The following TET3 variants were observed in gnomAD, a reference collection of about 807,000 sequenced individuals.
TET3 encodes tet methylcytosine dioxygenase 3, also known as methylcytosine dioxygenase TET3.
A neutral mutation model predicts 141.4 loss-of-function variants in TET3; 19 were observed. The ratio of observed to expected loss-of-function variants is 0.13; its 90% confidence interval spans 0.09 to 0.20. The LOEUF (loss-of-function observed/expected upper bound fraction) is 0.20. Among genes scored for constraint, TET3 ranks in the 10% least tolerant of loss-of-function variants. The pLI, the probability that TET3 is intolerant of heterozygous loss-of-function variation, is 1.00. For synonymous variants in TET3, 1,043 were observed against 980.9 expected, an observed-to-expected ratio of 1.06 and a Z score of -1.18; for missense variants, 1,874 against 2,356.9, an observed-to-expected ratio of 0.80 and a Z score of 4.24.
Position 74,047,760 on chromosome 2 carries a change from C to T in TET3, c.1843C>T (p.Arg615Trp), listed in dbSNP as rs772786659. ...CATTCAGATCAAGAAGTCCAGGCCC[C>T]GGGAAGCACAGCCCCTCTTCCCACC... is the stretch of plus-strand genomic sequence containing the variant. ...KPIQIKKSRPREAQPLFPPVR... is the reference protein window; with the variant it reads ...KPIQIKKSRPWEAQPLFPPVR... Residue 615 changes from arginine (R) to tryptophan (W), a missense_variant, in exon 4 of 12, where the codon CGG (arginine) becomes TGG (tryptophan). Coordinates refer to ENST00000409262, the MANE Select transcript of TET3 (RefSeq NM_001287491.2). The T allele has an allele frequency of 6.8e-6, 11 of 1,613,728 alleles. No homozygotes were observed. The highest frequency in any genetic ancestry group is 3.3e-5 in the South Asian group (3 of 91,018).
chr2:74,088,632 C>G (rs542759807), intron 7 of TET3, among the ~76,000 whole-genome samples: 1 of 151,970 alleles, frequency 6.6e-6, no homozygotes, highest in African/African-American at 2.4e-5. Context: ...CAGTGAGACT[C>G]TGTCTCAAAA....
chr2:73,985,586 C>T (rs1034780593), intron 1 of TET3, among the ~76,000 whole-genome samples: 4 of 150,604 alleles, frequency 2.7e-5, no homozygotes, highest in African/African-American at 9.7e-5. Context: ...CCGGGGGCGC[C>T]GGGGCAGTCC....
At chr2:74,062,185 G>C (rs1238075147) in intron 4 of TET3, among the ~76,000 whole-genome samples, 3 of 152,216 alleles carry the variant, frequency 2.0e-5, no homozygotes, top group Non-Finnish European at 4.4e-5. Context: ...TCGGGAGGCC[G>C]AGGCTGGCGG....
rs185571189 is a variant in TET3, at chr2:74,066,039, G to T, written c.2495-7510G>T. Among the ~76,000 whole-genome samples the T allele has an allele frequency of 1.5e-3, 229 of 152,290 alleles. 1 individual carries two copies. The highest frequency in any genetic ancestry group is 2.2e-3 in the Non-Finnish European group (148 of 68,034). On this transcript the variant is annotated intron_variant, in intron 4 of 11. Coordinates refer to ENST00000409262, the MANE Select transcript of TET3 (RefSeq NM_001287491.2). Reference sequence around the variant, plus strand: ...CCCAAAGTGCTGGGATTTCAGGTGTGAGCCACCGCGCCTGGCCCACCTGGT... The same window carrying T: ...CCCAAAGTGCTGGGATTTCAGGTGTTAGCCACCGCGCCTGGCCCACCTGGT...
chr2:74,077,434 A>T (rs979563469), intron 5 of TET3, among the ~76,000 whole-genome samples: 2 of 152,224 alleles, frequency 1.3e-5, no homozygotes, highest in Non-Finnish European at 2.9e-5. Context: ...ATTGGCTTGT[A>T]TGATTAGTTA....
At chr2:74,080,374 T>C (rs1245780832) in intron 5 of TET3, 124 bp from the exon 6 acceptor site, 26 of 791,208 alleles carry the variant, frequency 3.3e-5, no homozygotes, top group Non-Finnish European at 5.0e-5. Flanking sequence ...TTCTCTTTCT[T>C]CTCTGTTGCC....
At chr2:74,062,881 CTTTT>C (rs10649388) in intron 4 of TET3, among the ~76,000 whole-genome samples, 2 of 121,436 alleles carry the variant, frequency 1.6e-5, no homozygotes, top group Admixed American at 8.5e-5. Context: ...TCAGGTGAAA[CTTTT>C]TTTTTTTTTT....
At position 74,008,203 on chromosome 2, in the gene TET3, G is replaced by A. The variant is rs187508996; in HGVS notation, c.360+5037G>A. Among the ~76,000 whole-genome samples, 62 of 152,242 alleles carry A rather than the reference G, an allele frequency of 4.1e-4. 1 individual carries two copies. Among genetic ancestry groups the A allele is most frequent in the African/African-American group, 1.3e-3 (56 of 41,534 alleles). The stretch of plus-strand genomic sequence containing the variant: ...CCTCCATCTTGGGGACAAAGCCTCC[G>A]CTTGAAAGAGTAGAGATCTTTTTGT... On this transcript the variant is annotated intron_variant, in intron 3 of 11. Coordinates refer to ENST00000409262, the MANE Select transcript of TET3 (RefSeq NM_001287491.2).
intron 2 of TET3, among the ~76,000 whole-genome samples, chr2:73,988,474 C>T (rs1282865050): frequency 6.6e-6 from 1 of 152,158 alleles, no homozygotes; most frequent in Non-Finnish European, 1.5e-5. Context: ...ACAGAACATA[C>T]CTGAGTGAAA....
chr2:74,092,633 G>A (rs1388995243), intron 8 of TET3, among the ~76,000 whole-genome samples: 11 of 152,212 alleles, frequency 7.2e-5, no homozygotes, highest in Admixed American at 7.2e-4. Context: ...GCTGAACTGG[G>A]CGGGAGCCTG....
chr2:74,003,194 G>A (rs1684956786), intron 3 of TET3, 28 bp downstream of exon 3: 1 of 1,515,648 alleles, frequency 6.6e-7, no homozygotes, highest in African/African-American at 1.6e-5. Context: ...GTGCGTGTGT[G>A]TGCGTGTGTG....
At chr2:74,029,219 G>T in intron 3 of TET3, among the ~76,000 whole-genome samples, 1 of 152,320 alleles carries the variant, frequency 6.6e-6, no homozygotes, top group Non-Finnish European at 1.5e-5. Flanking sequence ...CCTACCTGTT[G>T]TTATCAAGGT....
At position 74,093,572 on chromosome 2, in the gene TET3, A is replaced by G. The variant is rs1390192658; in HGVS notation, c.3173A>G (p.Lys1058Arg). 1 of 1,613,540 alleles carries G rather than the reference A, an allele frequency of 6.2e-7. No homozygotes were observed. Among genetic ancestry groups the G allele is most frequent in the East Asian group, 2.2e-5 (1 of 44,872 alleles). Reference sequence around the variant, plus strand: ...GCGATTGACTGCCGTCTGGGGCTGAAGGAAGGACGGCCCTTCGCGGGGGTC... The same window carrying G: ...GCGATTGACTGCCGTCTGGGGCTGAGGGAAGGACGGCCCTTCGCGGGGGTC... ...EIAIDCRLGL[K>R]EGRPFAGVTA... Residue 1058 changes from lysine to arginine, a missense_variant, in exon 10 of 12, where the codon AAG (lysine) becomes AGG (arginine). Physicochemically the swap from Lys to Arg is conservative, Grantham distance 26 (BLOSUM62 2). Transcript: ENST00000409262. The surrounding 1 kb of genome is among the most constrained non-coding windows in gnomAD (Gnocchi z 4.2).
At chr2:74,084,447 GTCTC>G (rs1358225529) in intron 6 of TET3, among the ~76,000 whole-genome samples, 7 of 151,532 alleles carry the variant, frequency 4.6e-5, no homozygotes, top group African/African-American at 1.2e-4. Context: ...GTAAGACCAT[GTCTC>G]TCTCTTTTTT....
At chr2:74,092,432 G>T (rs759501057) in intron 8 of TET3, among the ~76,000 whole-genome samples, 10 of 152,010 alleles carry the variant, frequency 6.6e-5, no homozygotes, top group Admixed American at 1.3e-4. Flanking sequence ...GACAGGCTCT[G>T]GGCTGGGCTG....
intron 11 of TET3, 31 bp downstream of exon 11, chr2:74,099,643 C>T (rs200750065): frequency 4.8e-5 from 73 of 1,512,484 alleles, no homozygotes; most frequent in Admixed American, 2.3e-4. Context: ...CGCTTGGAGT[C>T]ACAATGGCAC....
intron 4 of TET3, among the ~76,000 whole-genome samples, chr2:74,067,463 G>A (rs1285609202): frequency 6.6e-6 from 1 of 152,238 alleles, no homozygotes; most frequent in Admixed American, 6.5e-5. Context: ...ATAGAGGCAT[G>A]AGGATTAGAG....
intron 5 of TET3, among the ~76,000 whole-genome samples, chr2:74,078,012 T>C (rs1275256982): frequency 6.6e-6 from 1 of 152,244 alleles, no homozygotes; most frequent in Non-Finnish European, 1.5e-5. Context: ...CTGAGTCCTG[T>C]CTCCAAATGC....
At position 73,988,595 on chromosome 2, in the gene TET3, G is replaced by T. The variant is rs950718315; in HGVS notation, c.303+1889G>T. 2.6e-5 allele frequency among the ~76,000 whole-genome samples: 4 copies of T among 152,306 alleles called. No homozygotes were observed. In the South Asian group the frequency reaches 8.3e-4, roughly 32 times the overall value. ...GGATCTGGGGTGGCTGAGGCTTAGAGACACCCCTGCTGAGAGATGTCTGCA... is the reference window on the plus strand; with the variant it reads ...GGATCTGGGGTGGCTGAGGCTTAGATACACCCCTGCTGAGAGATGTCTGCA... On this transcript the variant is annotated intron_variant, in intron 2 of 11. Transcript: ENST00000409262.
Sources: gnomAD v4.1 joint callset for allele counts (sites outside exome capture counted in the v4.1 genomes callset) on GRCh38, gnomAD v4.1.1 for gene constraint, Gnocchi (gnomAD v3.1) non-coding constraint, MANE v1.5 for transcripts, NCBI Gene and HGNC (gene_info 2026-07-23, HGNC 2026-07-21) for gene names.